XG: variants seen among roughly 807,000 people sequenced by gnomAD.
The protein encoded by XG is glycoprotein Xg.
XG carries 24 observed loss-of-function variants against 25.7 expected under a neutral mutation model. That is an observed-to-expected ratio of 0.93 (90% CI 0.68 to 1.31). The LOEUF is 1.31. Ranked by LOEUF, XG falls within the 40% of genes most tolerant of loss-of-function variation. The pLI is 0.00. For synonymous variants in XG, 77 were observed against 69.2 expected (o/e 1.11, Z -0.56); for missense variants, 181 against 187.6 (o/e 0.96, Z 0.21).
rs2051111015 is a variant in XG, at chrX:2,781,147, GTTA to G, written c.128-917_128-915del. On this transcript the variant is annotated intron_variant, in intron 3 of 10. Transcript: ENST00000644266. ...TGGTTAAATATTAAAAGCCAGTGCT[GTTA>G]TACAAAGGCTGGAATGTAACAAAAG... Among the ~76,000 whole-genome samples the G allele has an allele frequency of 4.0e-5, 6 of 151,422 alleles. No individual in the cohort carries two copies. The South Asian group carries it at 1.3e-3, about 32-fold the overall frequency.
At chrX:2,808,536 A>C in intron 9 of XG, 1 of 753,348 alleles carries the variant, frequency 1.3e-6, no homozygotes. Flanking sequence ...CCTTTCTTTG[A>C]CCAGCACTAA....
chrX:2,773,331 GAA>G (rs965006436), intron 2 of XG, among the ~76,000 whole-genome samples: 4 of 144,912 alleles, frequency 2.8e-5, no homozygotes, highest in African/African-American at 1.0e-4. Context: ...GGGAAGGAAA[GAA>G]AGAAAAATAG....
chrX:2,760,702 T>C (rs1230314785), intron 1 of XG, among the ~76,000 whole-genome samples: 6 of 125,900 alleles, frequency 4.8e-5, no homozygotes, highest in Non-Finnish European at 9.4e-5. Context: ...ACTACTGCAC[T>C]CCAGCCTGGG....
chrX:2,782,765 C>G (rs1471683284), intron 4 of XG, among the ~76,000 whole-genome samples: 2 of 111,679 alleles, frequency 1.8e-5, no homozygotes, highest in South Asian at 7.6e-4. Context: ...CCAGGAGAAA[C>G]TTGGGGAGGT....
rs984297700 is a variant in XG at position 2,770,025 on chromosome X, G to C, written c.62-525G>C. On this transcript the variant is annotated intron_variant, in intron 1 of 10. Transcript: ENST00000644266. ...AGACTCTGTGCGTGTGTGGAGGGGT[G>C]GGGGGGGCGTTGGGGGGCGGGGATA... 8.8e-5 allele frequency among the ~76,000 whole-genome samples: 13 copies of C among 147,422 alleles called. No individual in the cohort carries two copies. In the East Asian group the frequency reaches 1.7e-3, roughly 19 times the overall value.
At chrX:2,752,907 C>G in intron 1 of XG, 1 of 985,334 alleles carries the variant, frequency 1.0e-6, no homozygotes, top group Non-Finnish European at 1.2e-6. Context: ...GGCTGGCTGT[C>G]CCAGATCCAA....
intron 4 of XG, among the ~76,000 whole-genome samples, chrX:2,783,845 T>G: frequency 9.0e-6 from 1 of 111,695 alleles, no homozygotes; most frequent in Middle Eastern, 4.7e-3. Context: ...CATGGTGGCA[T>G]GCGCCTATAA....
chrX:2,759,557 A>G (rs2050516903), intron 1 of XG, among the ~76,000 whole-genome samples: 1 of 152,180 alleles, frequency 6.6e-6, no homozygotes, highest in Admixed American at 6.5e-5. Flanking sequence ...TGAGCATTCC[A>G]TAGTTTCCTT....
chrX:2,758,289 G>T (rs2050481508), intron 1 of XG, among the ~76,000 whole-genome samples: 1 of 152,132 alleles, frequency 6.6e-6, no homozygotes, highest in African/African-American at 2.4e-5. Flanking sequence ...ACCTTGAAGG[G>T]AGGAGGTATT....
intron 4 of XG, among the ~76,000 whole-genome samples, chrX:2,787,170 G>A (rs1569039665): frequency 9.1e-6 from 1 of 109,438 alleles, no homozygotes; most frequent in Admixed American, 9.8e-5. Context: ...AGGACTGTGG[G>A]AGAATCAATG....
In XG at chrX:2,788,745, C is replaced by G. The variant is rs375295196; in HGVS notation, c.191-899C>G. ...TGGCACACACCTGTAATCTCAGCTA[C>G]TCGGGAGGCTGAGGCAGGAGAATTG... On this transcript the variant is annotated intron_variant, in intron 4 of 10. Coordinates refer to ENST00000644266, the MANE Select transcript of XG (RefSeq NM_001141919.2). Among the ~76,000 whole-genome samples the G allele has an allele frequency of 4.2e-3, 462 of 110,188 alleles. 3 individuals are homozygous for G. Among genetic ancestry groups the G allele is most frequent in the African/African-American group, 0.014 (436 of 30,203 alleles).
At chrX:2,771,015 T>C (rs147645489) in intron 2 of XG, among the ~76,000 whole-genome samples, 412 of 151,930 alleles carry the variant, frequency 2.7e-3, no homozygotes, top group Non-Finnish European at 4.5e-3. Flanking sequence ...CCAAGCTAAT[T>C]TTTTTCTTTT....
intron 3 of XG, among the ~76,000 whole-genome samples, chrX:2,778,728 G>T (rs1239605242): frequency 6.6e-6 from 1 of 151,864 alleles, no homozygotes; most frequent in Non-Finnish European, 1.5e-5. Context: ...GAGACAATTG[G>T]CTGTTCTTGT....
chrX:2,794,477 G>T, intron 5 of XG, 58 bp from the exon 6 acceptor site: 1 of 1,165,266 alleles, frequency 8.6e-7, no homozygotes, highest in Non-Finnish European at 1.2e-6. Flanking sequence ...CGCAGACCTG[G>T]TGTGAAGGGG....
intron 4 of XG, among the ~76,000 whole-genome samples, chrX:2,782,894 A>G (rs1227396843): frequency 9.0e-6 from 1 of 111,472 alleles, no homozygotes; most frequent in Non-Finnish European, 1.9e-5. Flanking sequence ...TCTTTTTGGG[A>G]AAGGGGCATT....
intron 6 of XG, among the ~76,000 whole-genome samples, chrX:2,794,844 A>T (rs1297859537): frequency 8.9e-6 from 1 of 112,165 alleles, no homozygotes; most frequent in Non-Finnish European, 1.9e-5. Context: ...AACAGGCAGA[A>T]CTGGAGGGTC....
chrX:2,793,669 T>G (rs993615949), intron 5 of XG, among the ~76,000 whole-genome samples: 2 of 110,954 alleles, frequency 1.8e-5, no homozygotes, highest in Non-Finnish European at 3.8e-5. Context: ...ACAAATCTGT[T>G]GGGGTGGGTA....
intron 1 of XG, among the ~76,000 whole-genome samples, chrX:2,759,917 G>A (rs2050526277): frequency 6.6e-6 from 1 of 152,190 alleles, no homozygotes; most frequent in South Asian, 2.1e-4. Context: ...AAACTCTGCT[G>A]TAGTCTGTGA....
chrX:2,772,523 G>A (rs1326288525), intron 2 of XG, among the ~76,000 whole-genome samples: 1 of 152,174 alleles, frequency 6.6e-6, no homozygotes, highest in Non-Finnish European at 1.5e-5. Context: ...CAGAGAGACA[G>A]AAAGTGGATT....
Sources: gnomAD v4.1 joint callset for allele counts (sites outside exome capture counted in the v4.1 genomes callset) on GRCh38, gnomAD v4.1.1 for gene constraint, MANE v1.5 for transcripts, NCBI Gene and HGNC (gene_info 2026-07-23, HGNC 2026-07-21) for gene names.